Variants in MTCL1 observed in about 807,000 individuals in gnomAD.
The protein encoded by MTCL1 is microtubule cross-linking factor 1.
In MTCL1, 79 loss-of-function variants were observed where a neutral mutation model predicts 141.4. The ratio of observed to expected loss-of-function variants is 0.56; its 90% CI spans 0.47 to 0.67. MTCL1 has a LOEUF of 0.67. Among genes scored for constraint, MTCL1 ranks in the 30% least tolerant of loss-of-function variants. The pLI is 0.00. For missense variants in MTCL1, 2,177 were observed against 2,113.9 expected, an observed-to-expected ratio of 1.03 and a Z score of -0.59; for synonymous variants, 914 against 875.8, an observed-to-expected ratio of 1.04 and a Z score of -0.77.
At chr18:8,824,101 C>T (rs1374516894) in intron 14 of MTCL1, among the ~76,000 whole-genome samples, 2 of 152,218 alleles carry the variant, frequency 1.3e-5, no homozygotes, top group African/African-American at 2.4e-5. Context: ...GCCCCAGCCC[C>T]GTTCCTGACC....
intron 6 of MTCL1, 96 bp from the exon 6 acceptor site, chr18:8,785,840 C>T (rs1477206766): frequency 3.2e-5 from 46 of 1,454,872 alleles, no homozygotes; most frequent in Non-Finnish European, 3.9e-5. Context: ...TTCTTTATCC[C>T]CCCTCCCTGC....
chr18:8,767,455 G>C (rs1173069687), intron 4 of MTCL1, among the ~76,000 whole-genome samples: 1 of 152,182 alleles, frequency 6.6e-6, no homozygotes, highest in Non-Finnish European at 1.5e-5. Flanking sequence ...CCTTAAGCCT[G>C]GGAAGGCAAT....
intron 4 of MTCL1, among the ~76,000 whole-genome samples, chr18:8,741,387 C>T (rs1239786595): frequency 1.3e-5 from 2 of 152,132 alleles, no homozygotes; most frequent in African/African-American, 4.8e-5. Context: ...AAATAAATTG[C>T]TTATAATAGC....
At chr18:8,813,579 T>C (rs1446277261) in intron 12 of MTCL1, among the ~76,000 whole-genome samples, 1 of 152,174 alleles carries the variant, frequency 6.6e-6, no homozygotes, top group East Asian at 1.9e-4. Context: ...TCTTATTCAA[T>C]TGAAAACAAA....
chr18:8,820,875 C>T (rs1217932806), intron 13 of MTCL1, among the ~76,000 whole-genome samples: 4 of 152,214 alleles, frequency 2.6e-5, no homozygotes, highest in African/African-American at 4.8e-5. Flanking sequence ...CAGCAGACAA[C>T]CTCGTGTTTA....
intron 16 of MTCL1, chr18:8,829,070 G>A: frequency 9.5e-6 from 15 of 1,585,146 alleles, no homozygotes; most frequent in Non-Finnish European, 1.2e-5. Context: ...CCCGGTGGCG[G>A]TACCCTCGCT....
chr18:8,766,867 T>C (rs946097283), intron 4 of MTCL1, among the ~76,000 whole-genome samples: 1 of 152,182 alleles, frequency 6.6e-6, no homozygotes, highest in Admixed American at 6.5e-5. Context: ...GATTTTCTTA[T>C]GTTTCCAGGT....
At chr18:8,816,251 C>T (rs3852834) in intron 12 of MTCL1, among the ~76,000 whole-genome samples, 37,388 of 152,026 alleles carry the variant, frequency 0.25, 4,953 homozygotes, top group Middle Eastern at 0.32. Flanking sequence ...ATACTCTCAA[C>T]ATTTGACTAC....
At chr18:8,771,387 A>G (rs778921021) in intron 4 of MTCL1, among the ~76,000 whole-genome samples, 18 of 152,232 alleles carry the variant, frequency 1.2e-4, no homozygotes, top group African/African-American at 2.4e-4. Context: ...TGTGTGTCTT[A>G]TAAACTACCC....
intron 4 of MTCL1, among the ~76,000 whole-genome samples, chr18:8,728,183 T>C (rs1315098783): frequency 3.3e-5 from 5 of 152,226 alleles, no homozygotes; most frequent in Non-Finnish European, 7.3e-5. Flanking sequence ...AGCTAATGCT[T>C]GTTTAGATTA....
chr18:8,802,879 G>T (rs773463267), intron 10 of MTCL1, among the ~76,000 whole-genome samples: 3 of 152,104 alleles, frequency 2.0e-5, no homozygotes, highest in African/African-American at 7.3e-5. Context: ...AAGGTTGCAC[G>T]GCTAGACCCC....
At chr18:8,751,902 C>T (rs990064294) in intron 4 of MTCL1, among the ~76,000 whole-genome samples, 6 of 152,242 alleles carry the variant, frequency 3.9e-5, no homozygotes, top group African/African-American at 9.6e-5. Context: ...AGCGGTGACG[C>T]GGAAAAGAAA....
chr18:8,764,410 C>T (rs187692668), intron 4 of MTCL1, among the ~76,000 whole-genome samples: 46 of 151,968 alleles, frequency 3.0e-4, no homozygotes, highest in African/African-American at 8.2e-4. Context: ...CTCTGCCTCC[C>T]GGGTTCAAGT....
Position 8,828,161 on chromosome 18 carries a change from G to A in MTCL1, c.4723-747G>A, listed in dbSNP as rs1033187324. The stretch of plus-strand genomic sequence containing the variant: ...TCCATGAATTATGCAGTAGTTCTCG[G>A]TATGCGTTCCCAAATCCCCAGGACT... On this transcript the variant is annotated intron_variant, in intron 15 of 16. Coordinates refer to ENST00000359865, the Ensembl canonical transcript of MTCL1. The surrounding 1 kb of genome is among the most constrained non-coding windows in gnomAD (Gnocchi z 5.2). Among the ~76,000 whole-genome samples, 5 of 152,132 alleles carry A rather than the reference G, an allele frequency of 3.3e-5. No homozygotes were observed. The highest frequency in any genetic ancestry group is 7.4e-5 in the Non-Finnish European group (5 of 68,018).
intron 4 of MTCL1, among the ~76,000 whole-genome samples, chr18:8,758,130 T>C (rs1386155343): frequency 2.0e-5 from 3 of 151,662 alleles, no homozygotes; most frequent in Admixed American, 1.3e-4. Flanking sequence ...GTTCAAGCGA[T>C]TCTCTTGTCT....
At chr18:8,740,011 G>A (rs781131858) in intron 4 of MTCL1, among the ~76,000 whole-genome samples, 3 of 152,376 alleles carry the variant, frequency 2.0e-5, no homozygotes, top group East Asian at 1.9e-4. Context: ...GATTACAGGC[G>A]TGAGCCACCG....
intron 4 of MTCL1, among the ~76,000 whole-genome samples, chr18:8,770,602 A>G (rs1421642006): frequency 2.0e-5 from 3 of 152,164 alleles, no homozygotes; most frequent in Non-Finnish European, 4.4e-5. Flanking sequence ...CACTTCTAAT[A>G]CCAGCACGTT....
chr18:8,815,118 C>T (rs2076608317), intron 12 of MTCL1, among the ~76,000 whole-genome samples: 1 of 152,146 alleles, frequency 6.6e-6, no homozygotes, highest in Non-Finnish European at 1.5e-5. Flanking sequence ...CATCCCATTA[C>T]TGGGTATATA....
chr18:8,721,632 A>G (rs1226486118), intron 4 of MTCL1, among the ~76,000 whole-genome samples: 4 of 151,928 alleles, frequency 2.6e-5, no homozygotes, highest in Non-Finnish European at 5.9e-5. Flanking sequence ...AGATTCACTC[A>G]GCCCCTCCCC....
Sources: allele counts gnomAD v4.1 joint callset (sites outside exome capture counted in the v4.1 genomes callset), GRCh38; gene constraint gnomAD v4.1.1; non-coding constraint Gnocchi (gnomAD v3.1); transcripts MANE v1.5; gene names NCBI Gene and HGNC (gene_info 2026-07-23, HGNC 2026-07-21).